The following CRYBG3 variants were observed in gnomAD, a reference collection of about 807,000 sequenced individuals.
CRYBG3 encodes very large A-kinase anchor protein.
Under a neutral mutation model 244.2 loss-of-function variants are expected in CRYBG3, and 127 were observed. The observed-to-expected ratio is 0.52, with a 90% CI of 0.45 to 0.60. CRYBG3 has a LOEUF of 0.60. Among genes scored for constraint, CRYBG3 ranks in the 20% least tolerant of loss-of-function variants. CRYBG3 has a pLI of 0.00. For missense variants in CRYBG3, 3,325 were observed against 3,442.5 expected (o/e 0.97, Z 0.85); for synonymous variants, 1,132 against 1,195.8 (o/e 0.95, Z 1.10).
At position 97,919,714 on chromosome 3, in the gene CRYBG3, TAA is replaced by T. The variant is rs3058034; in HGVS notation, c.8241+3994_8241+3995del. Among the ~76,000 whole-genome samples, 653 of 127,020 alleles carry T rather than the reference TAA, an allele frequency of 5.1e-3. 3 individuals carry two copies. The highest frequency in any genetic ancestry group is 0.016 in the African/African-American group (573 of 34,780). The allele number at this position is 127,020 out of a possible 152,430, so 83.3% of individuals were successfully genotyped here. A position where few individuals can be genotyped will look rare whatever the true frequency, so the allele number is the denominator to read the frequency against. Reference sequence around the variant, plus strand: ...GGGTGGAAAAGGGCAATAAAATGATTAAAAAAAAAAAAAAAAAGGCTTAGGAT... The same window carrying T: ...GGGTGGAAAAGGGCAATAAAATGATTAAAAAAAAAAAAAAAGGCTTAGGAT... On this transcript the variant is annotated intron_variant, in intron 17 of 21. Coordinates refer to ENST00000389622, the MANE Select transcript of CRYBG3 (RefSeq NM_153605.4).
chr3:97,915,551 T>C, intron 16 of CRYBG3, 59 bp from the exon 17 acceptor site: 1 of 1,535,664 alleles, frequency 6.5e-7, no homozygotes, highest in Non-Finnish European at 8.9e-7. Context: ...AGCATGATAA[T>C]GAGCCTATAC....
chr3:97,853,404 A>AAT (rs1553702607), intron 2 of CRYBG3, among the ~76,000 whole-genome samples: 2 of 88,322 alleles, frequency 2.3e-5, no homozygotes, highest in Non-Finnish European at 4.9e-5. Flanking sequence ...ACACACATAC[A>AAT]ATACACACAC....
intron 2 of CRYBG3, among the ~76,000 whole-genome samples, chr3:97,849,379 A>G (rs2038951502): frequency 6.6e-6 from 1 of 152,204 alleles, no homozygotes; most frequent in Non-Finnish European, 1.5e-5. Flanking sequence ...GGTACATACA[A>G]GAAGGCATAC....
chr3:97,930,803 A>C (rs1202762446), intron 17 of CRYBG3, among the ~76,000 whole-genome samples: 2 of 152,196 alleles, frequency 1.3e-5, no homozygotes, highest in East Asian at 3.9e-4. Context: ...AGATGCTTTA[A>C]ACTTTCCTTG....
At position 97,923,355 on chromosome 3, in the gene CRYBG3, T is replaced by C. The variant is rs190870175; in HGVS notation, c.8241+7619T>C. Among the ~76,000 whole-genome samples, 427 of 152,032 alleles carry C rather than the reference T, an allele frequency of 2.8e-3. 1 individual carries two copies. The highest frequency in any genetic ancestry group is 4.6e-3 in the Non-Finnish European group (313 of 67,912). ...AGTATAATAATAATAAAAAAAAGTG[T>C]AGAAGAATTTGGTTACTATTAAACT... is the stretch of plus-strand genomic sequence containing the variant. On this transcript the variant is annotated intron_variant, in intron 17 of 21. Coordinates refer to ENST00000389622, the MANE Select transcript of CRYBG3 (RefSeq NM_153605.4).
At chr3:97,829,814 CA>C (rs1305504771) in intron 1 of CRYBG3, among the ~76,000 whole-genome samples, 1 of 152,102 alleles carries the variant, frequency 6.6e-6, no homozygotes, top group Non-Finnish European at 1.5e-5. Context: ...AGACATTGCC[CA>C]AATCTTTCTT....
At chr3:97,831,465 A>G (rs2038653019) in intron 1 of CRYBG3, among the ~76,000 whole-genome samples, 1 of 152,150 alleles carries the variant, frequency 6.6e-6, no homozygotes, top group African/African-American at 2.4e-5. Context: ...ACAAAAGACG[A>G]AGGTGGGATT....
At chr3:97,910,921 T>C (rs2039864798) in intron 15 of CRYBG3, among the ~76,000 whole-genome samples, 1 of 152,248 alleles carries the variant, frequency 6.6e-6, no homozygotes, top group African/African-American at 2.4e-5. Flanking sequence ...TTCATTTCTT[T>C]GCTATCCTCT....
intron 18 of CRYBG3, among the ~76,000 whole-genome samples, chr3:97,935,270 C>T (rs962764668): frequency 1.2e-4 from 18 of 152,056 alleles, no homozygotes; most frequent in African/African-American, 4.3e-4. Context: ...TTCCTAAAAT[C>T]TTACCTAGAT....
At chr3:97,889,743 G>A (rs932468751) in intron 10 of CRYBG3, among the ~76,000 whole-genome samples, 2 of 152,152 alleles carry the variant, frequency 1.3e-5, no homozygotes, top group African/African-American at 4.8e-5. Flanking sequence ...GGGCATTTGG[G>A]AGTGATGCTC....
intron 18 of CRYBG3, among the ~76,000 whole-genome samples, chr3:97,936,501 T>C (rs577311801): frequency 6.6e-6 from 1 of 152,126 alleles, no homozygotes; most frequent in South Asian, 2.1e-4. Context: ...TATAATGCTA[T>C]GACAATGTTA....
At chr3:97,939,214 T>C (rs2040199267) in intron 19 of CRYBG3, among the ~76,000 whole-genome samples, 1 of 152,060 alleles carries the variant, frequency 6.6e-6, no homozygotes, top group South Asian at 2.1e-4. Flanking sequence ...AATAGTATGC[T>C]ATTTTCTTTC....
intron 15 of CRYBG3, among the ~76,000 whole-genome samples, chr3:97,910,003 T>G (rs1321780826): frequency 6.6e-6 from 1 of 151,518 alleles, no homozygotes; most frequent in Non-Finnish European, 1.5e-5. Context: ...TGGAATACCC[T>G]GCCGTGTGAG....
chr3:97,944,795 A>G lies in CRYBG3; in HGVS notation c.*1481A>G, dbSNP rs576961705. On this transcript the variant is annotated 3_prime_UTR_variant, in exon 22 of 22. Coordinates refer to ENST00000389622, the MANE Select transcript of CRYBG3 (RefSeq NM_153605.4). ...TATTTTCATTATAAAAAACCAGTTT[A>G]AAATTTTTTCTTATTTTAATTGTTT... is the stretch of plus-strand genomic sequence containing the variant. The G allele has an allele frequency of 2.6e-4, 41 of 155,782 alleles. No homozygotes were observed. The highest frequency in any genetic ancestry group is 5.1e-4 in the Non-Finnish European group (36 of 70,356). The allele number at this position is 155,782 out of a possible 1,614,324, so 9.6% of individuals were successfully genotyped here.
intron 18 of CRYBG3, 43 bp from the exon 19 acceptor site, chr3:97,936,742 T>A: frequency 6.3e-7 from 1 of 1,594,576 alleles, no homozygotes; most frequent in Non-Finnish European, 8.5e-7. Flanking sequence ...GGGATTTTTT[T>A]TTGTTTTGAA....
chr3:97,854,592 T>A (rs1341981145), intron 2 of CRYBG3, among the ~76,000 whole-genome samples: 2 of 69,390 alleles, frequency 2.9e-5, no homozygotes, highest in Non-Finnish European at 6.4e-5. Context: ...CTCCTAAGTA[T>A]TTTTTTTTTT....
chr3:97,875,130 T>C lies in CRYBG3; in HGVS notation c.3936T>C (p.Ile1312=). 1 of 1,535,168 alleles carries C rather than the reference T, an allele frequency of 6.5e-7. No individual in the cohort carries two copies. Among genetic ancestry groups the C allele is most frequent in the Non-Finnish European group, 8.7e-7 (1 of 1,146,294 alleles). The change falls in exon 4 of 22, where the codon ATT becomes ATC. Residue 1312 remains isoleucine, a synonymous_variant. Transcript: ENST00000389622. ...AAGCTAGGGAATTAGTCAATGAGATTATTTATGTAGCCCAAGAAAAATTGA... is the reference window on the plus strand; with the variant it reads ...AAGCTAGGGAATTAGTCAATGAGATCATTTATGTAGCCCAAGAAAAATTGA... ...EDKARELVNE[I]IYVAQEKLRN...
chr3:97,922,574 G>A (rs1406948787), intron 17 of CRYBG3, among the ~76,000 whole-genome samples: 4 of 152,058 alleles, frequency 2.6e-5, no homozygotes, highest in African/African-American at 9.7e-5. Flanking sequence ...GCAGCCAATA[G>A]ACAAATGAAA....
intron 1 of CRYBG3, among the ~76,000 whole-genome samples, chr3:97,832,544 C>T (rs1162050518): frequency 6.6e-6 from 1 of 152,102 alleles, no homozygotes; most frequent in Non-Finnish European, 1.5e-5. Flanking sequence ...GGACCCCTTC[C>T]TTACACTGTG....
Sources: gnomAD v4.1 joint callset for allele counts (sites outside exome capture counted in the v4.1 genomes callset) on GRCh38, gnomAD v4.1.1 for gene constraint, MANE v1.5 for transcripts, NCBI Gene and HGNC (gene_info 2026-07-23, HGNC 2026-07-21) for gene names.